Variants in GJD4 observed in about 807,000 individuals in gnomAD.
The protein encoded by GJD4 is gap junction protein delta 4.
Under a neutral mutation model 17.9 loss-of-function variants are expected in GJD4, and 18 were observed. That is an observed-to-expected ratio of 1.00 (90% CI 0.69 to 1.49). GJD4 has a LOEUF of 1.49. Ranked by LOEUF, GJD4 falls within the 40% of genes most tolerant of loss-of-function variation. The probability of loss-of-function intolerance (pLI) is 0.00; values close to 1 mark genes in which losing one functional copy is unlikely to be tolerated. For missense variants in GJD4, 639 were observed against 506.9 expected (o/e 1.26, Z -2.50); for synonymous variants, 293 against 236.8 (o/e 1.24, Z -2.18).
At position 35,608,448 on chromosome 10, in the gene GJD4, G is replaced by A. The variant is rs1327691412; in HGVS notation, c.935G>A (p.Gly312Asp). The A allele has an allele frequency of 6.5e-7, 1 of 1,548,500 alleles. No homozygotes were observed. ...ASEKLGRQPR[G>D]RPHREAAQDP... Reference sequence around the variant, plus strand: ...GAAAAGCTGGGCAGACAGCCCCGGGGCAGGCCCCACCGAGAGGCCGCCCAG... The same window carrying A: ...GAAAAGCTGGGCAGACAGCCCCGGGACAGGCCCCACCGAGAGGCCGCCCAG... The change falls in exon 2 of 2, where the codon GGC becomes GAC. Residue 312 changes from glycine to aspartate, a missense_variant. By Grantham distance (94) the Gly-to-Asp change is moderately conservative. Coordinates refer to ENST00000321660, the MANE Select transcript of GJD4 (RefSeq NM_153368.3).
intron 1 of GJD4, chr10:35,607,288 G>C (rs74407475): frequency 3.0e-6 from 1 of 334,214 alleles, no homozygotes; most frequent in Non-Finnish European, 5.4e-6. Flanking sequence ...ACCTGATGCT[G>C]TGAGTAAAGA....
chr10:35,605,885 G>T (rs1018287473), intron 1 of GJD4: 101 of 524,510 alleles, frequency 1.9e-4, no homozygotes, highest in Non-Finnish European at 3.0e-4. Flanking sequence ...TTCTCTCACA[G>T]ATCATCCTGT....
rs779584150 is a variant in GJD4, at chr10:35,608,400, G to C, written c.887G>C (p.Ser296Thr). Residue 296 changes from serine (S) to threonine (T), a missense_variant, in exon 2 of 2, where the codon AGT becomes ACT. Coordinates refer to ENST00000321660, the MANE Select transcript of GJD4 (RefSeq NM_153368.3). ...GHTKIPDEDE[S>T]EVTSSASEKL... Reference sequence around the variant, plus strand: ...ACGAAGATTCCGGATGAGGATGAGAGTGAGGTGACATCCTCCGCCAGCGAA... The same window carrying C: ...ACGAAGATTCCGGATGAGGATGAGACTGAGGTGACATCCTCCGCCAGCGAA... 24 of 1,550,256 alleles carry C rather than the reference G, an allele frequency of 1.5e-5. No homozygotes were observed. The Admixed American group carries it at 2.5e-4, about 16-fold the overall frequency.
chr10:35,608,089 A>G lies in GJD4; in HGVS notation c.576A>G (p.Thr192=), dbSNP rs145646764. 0.016 allele frequency: 26,167 copies of G among 1,608,208 alleles called. 290 individuals carry two copies. Among genetic ancestry groups the G allele is most frequent in the Middle Eastern group, 0.048 (292 of 6,038 alleles). The part of the protein sequence containing the change: ...GVVDCYVSRP[T]EKSLLMLFLW... ...TGGACTGCTACGTGTCGCGGCCCAC[A>G]GAGAAGTCCCTGCTGATGCTGTTCC... is the stretch of plus-strand genomic sequence containing the variant. Residue 192 remains threonine (T), a synonymous_variant, in exon 2 of 2, where the codon ACA becomes ACG. Coordinates refer to ENST00000321660, the MANE Select transcript of GJD4 (RefSeq NM_153368.3).
chr10:35,608,935 CAA>C (rs3067572), downstream of GJD4: 1,463 of 58,364 alleles, frequency 0.025, 3 homozygotes, highest in Middle Eastern at 0.039. Context: ...GAGACCCTGT[CAA>C]AAAAAAAAAA....
Position 35,606,959 on chromosome 10 carries a change from A to C in GJD4, c.65-619A>C, listed in dbSNP as rs561254677. 2.0e-5 allele frequency: 3 copies of C among 152,400 alleles called. No individual in the cohort carries two copies. In the East Asian group the frequency reaches 5.8e-4, roughly 29 times the overall value. The allele number at this position is 152,400 out of a possible 1,614,324, so 9.4% of individuals were successfully genotyped here. ...ACTAACATTAAATACAAGCCCTGTG[A>C]TTAAATAGAGATCCCTGGACTGTTG... On this transcript the variant is annotated intron_variant, in intron 1 of 1. Coordinates refer to ENST00000321660, the MANE Select transcript of GJD4 (RefSeq NM_153368.3).
At position 35,608,710 on chromosome 10, in the gene GJD4, A is replaced by C; in HGVS notation, c.*84A>C. 1.0e-6 allele frequency: 1 copy of C among 975,602 alleles called. No homozygotes were observed. The highest frequency in any genetic ancestry group is 1.5e-6 in the Non-Finnish European group (1 of 675,714). The allele number at this position is 975,602 out of a possible 1,614,324, so 60.4% of individuals were successfully genotyped here. A position where few individuals can be genotyped will look rare whatever the true frequency, so the allele number is the denominator to read the frequency against. On this transcript the variant is annotated 3_prime_UTR_variant, in exon 2 of 2. Transcript: ENST00000321660. ...GGCCCAGGCAGGAGGATCGTTTGAG[A>C]ATATATCTCCTTGCCCAAGAGTTTG... is the stretch of plus-strand genomic sequence containing the variant.
chr10:35,607,018 A>T (rs978052774), intron 1 of GJD4: 3 of 152,854 alleles, frequency 2.0e-5, no homozygotes, highest in Non-Finnish European at 4.4e-5. Context: ...CAGCAGCTCG[A>T]ATTGGCAGTT....
At chr10:35,605,719 T>C (rs913054030) in intron 1 of GJD4, 88 bp downstream of exon 1, 13 of 1,070,544 alleles carry the variant, frequency 1.2e-5, no homozygotes, top group Non-Finnish European at 1.9e-5. Context: ...TCCAGGTATT[T>C]ACTCATTTTC....
chr10:35,607,381 T>C (rs948738419), intron 1 of GJD4, 197 bp from the exon 2 acceptor site: 3 of 577,138 alleles, frequency 5.2e-6, no homozygotes, highest in Middle Eastern at 4.5e-4. Context: ...AGGCCAGGAG[T>C]TCAAGACCAG....
chr10:35,606,518 T>G (rs1016099142), intron 1 of GJD4: 3 of 152,246 alleles, frequency 2.0e-5, no homozygotes, highest in African/African-American at 7.2e-5. Context: ...GGAGATGCAG[T>G]TGATACTTTT....
At position 35,608,661 on chromosome 10, in the gene GJD4, G is replaced by A. The variant is rs780426416; in HGVS notation, c.*35G>A. On this transcript the variant is annotated 3_prime_UTR_variant, in exon 2 of 2. Transcript: ENST00000321660. ...CACCTGGCGGTGCCCCGGGGCTCAC[G>A]CCTGTAATCCCAACACTTTGGGAGG... 31 of 1,423,426 alleles carry A rather than the reference G, an allele frequency of 2.2e-5. No homozygotes were observed. Among genetic ancestry groups the A allele is most frequent in the East Asian group, 2.5e-5 (1 of 39,346 alleles). 88.2% of individuals were successfully genotyped at this position (1,423,426 alleles called of 1,614,324 possible).
At position 35,608,092 on chromosome 10, in the gene GJD4, G is replaced by A. The variant is rs766348272; in HGVS notation, c.579G>A (p.Glu193=). 1 of 1,609,462 alleles carries A rather than the reference G, an allele frequency of 6.2e-7. No homozygotes were observed. Among genetic ancestry groups the A allele is most frequent in the Admixed American group, 1.7e-5 (1 of 59,748 alleles). Residue 193 remains glutamate, a synonymous_variant, in exon 2 of 2, where the codon GAG becomes GAA. Coordinates refer to ENST00000321660, the MANE Select transcript of GJD4 (RefSeq NM_153368.3). ...VVDCYVSRPT[E]KSLLMLFLWA... ...ACTGCTACGTGTCGCGGCCCACAGA[G>A]AAGTCCCTGCTGATGCTGTTCCTCT...
chr10:35,608,290 A>T lies in GJD4; in HGVS notation c.777A>T (p.Glu259Asp), dbSNP rs778695135. Residue 259 changes from glutamate to aspartate, a missense_variant, in exon 2 of 2, where the codon GAA (glutamate) becomes GAT (aspartate). Glu to Asp is a conservative substitution (Grantham distance 45). Coordinates refer to ENST00000321660, the MANE Select transcript of GJD4 (RefSeq NM_153368.3). ...RRTDEEGGREEEGAPAPPGAR... is the reference protein window; with the variant it reads ...RRTDEEGGREDEGAPAPPGAR... ...CTGACGAGGAGGGTGGGCGGGAGGA[A>T]GAGGGGGCACCGGCGCCCCCGGGTG... is the stretch of plus-strand genomic sequence containing the variant. 2 of 1,555,050 alleles carry T rather than the reference A, an allele frequency of 1.3e-6. No homozygotes were observed. Among genetic ancestry groups the T allele is most frequent in the South Asian group, 2.3e-5 (2 of 85,152 alleles).
Position 35,608,724 on chromosome 10 carries a change from C to T in GJD4, c.*98C>T. The T allele has an allele frequency of 3.4e-6, 3 of 884,028 alleles. No individual in the cohort carries two copies. The highest frequency in any genetic ancestry group is 5.0e-6 in the Non-Finnish European group (3 of 594,978). The allele number at this position is 884,028 out of a possible 1,614,324, so 54.8% of individuals were successfully genotyped here. A position where few individuals can be genotyped will look rare whatever the true frequency, so the allele number is the denominator to read the frequency against. ...GATCGTTTGAGAATATATCTCCTTGCCCAAGAGTTTGAGACCAGCCTGGAC... is the reference window on the plus strand; with the variant it reads ...GATCGTTTGAGAATATATCTCCTTGTCCAAGAGTTTGAGACCAGCCTGGAC... On this transcript the variant is annotated 3_prime_UTR_variant, in exon 2 of 2. Coordinates refer to ENST00000321660, the MANE Select transcript of GJD4 (RefSeq NM_153368.3).
In GJD4 at chr10:35,607,838, C is replaced by A; in HGVS notation, c.325C>A (p.Arg109Ser). ...AGCCACGCTCGCCGCGCTGGGCCCC[C>A]GCCGCTGCCCCGACCCCCGGGAGCC... ...RGATLAALGP[R>S]RCPDPREPAS... is the part of the protein sequence containing the mutation. The change falls in exon 2 of 2, where the codon CGC (arginine) becomes AGC (serine). Residue 109 changes from arginine to serine, a missense_variant. Arg to Ser is a moderately radical substitution (Grantham distance 110). Coordinates refer to ENST00000321660, the MANE Select transcript of GJD4 (RefSeq NM_153368.3). 1.2e-6 allele frequency: 2 copies of A among 1,600,216 alleles called. No homozygotes were observed. Among genetic ancestry groups the A allele is most frequent in the South Asian group, 1.1e-5 (1 of 90,940 alleles).
At position 35,608,664 on chromosome 10, in the gene GJD4, T is replaced by C; in HGVS notation, c.*38T>C. ...CTGGCGGTGCCCCGGGGCTCACGCC[T>C]GTAATCCCAACACTTTGGGAGGCCC... is the stretch of plus-strand genomic sequence containing the variant. On this transcript the variant is annotated 3_prime_UTR_variant, in exon 2 of 2. Coordinates refer to ENST00000321660, the MANE Select transcript of GJD4 (RefSeq NM_153368.3). The C allele has an allele frequency of 7.1e-7, 1 of 1,416,610 alleles. No individual in the cohort carries two copies. Among genetic ancestry groups the C allele is most frequent in the South Asian group, 1.5e-5 (1 of 67,360 alleles). The allele number at this position is 1,416,610 out of a possible 1,614,324, so 87.8% of individuals were successfully genotyped here. A position where few individuals can be genotyped will look rare whatever the true frequency, so the allele number is the denominator to read the frequency against.
chr10:35,605,378 CA>C lies in GJD4; in HGVS notation c.-187del. ...TGTCAGGAATGTTTCGCCTCAGAGG[CA>C]AACGGCTTAGGGCCGTCTCAACTTG... On this transcript the variant is annotated 5_prime_UTR_variant, in exon 1 of 2. It removes the in-frame stop codon of an upstream open reading frame in the 5' UTR. Transcript: ENST00000321660. 2 of 628,020 alleles carry C rather than the reference CA, an allele frequency of 3.2e-6. No individual in the cohort carries two copies. The allele number at this position is 628,020 out of a possible 1,614,324, so 38.9% of individuals were successfully genotyped here.
Position 35,607,932 on chromosome 10 carries a change from C to T in GJD4, c.419C>T (p.Ser140Leu), listed in dbSNP as rs1348258439. The T allele has an allele frequency of 1.2e-6, 2 of 1,606,854 alleles. No individual in the cohort carries two copies. Among genetic ancestry groups the T allele is most frequent in the Admixed American group, 1.7e-5 (1 of 59,754 alleles). The stretch of plus-strand genomic sequence containing the variant: ...GGCGGCCTCCAGGTGCCCGACTTTT[C>T]GGCCGGCTACATCATCCACCTCCTC... ...ERGGLQVPDF[S>L]AGYIIHLLLR... Residue 140 changes from serine to leucine, a missense_variant, in exon 2 of 2, where the codon TCG becomes TTG. Ser to Leu is a moderately radical substitution (Grantham distance 145). Transcript: ENST00000321660.
Sources: gnomAD v4.1 joint callset for allele counts on GRCh38, gnomAD v4.1.1 for gene constraint, MANE v1.5 for transcripts, NCBI Gene and HGNC (gene_info 2026-07-23, HGNC 2026-07-21) for gene names.